The following TMTC2 variants were observed in gnomAD, a reference collection of about 807,000 sequenced individuals.
TMTC2 encodes the protein protein O-mannosyl-transferase TMTC2.
A neutral mutation model predicts 82.4 loss-of-function variants in TMTC2; 43 were observed. The ratio of observed to expected loss-of-function variants is 0.52; its 90% CI spans 0.41 to 0.67. TMTC2 has a LOEUF of 0.67. TMTC2 is among the 30% of genes least tolerant of loss of function. The probability of loss-of-function intolerance (pLI) is 0.00; values close to 1 mark genes in which losing one functional copy is unlikely to be tolerated. For missense variants in TMTC2, 919 were observed against 1,012.4 expected (o/e 0.91, Z 1.25); for synonymous variants, 408 against 381.9 (o/e 1.07, Z -0.80).
intron 7 of TMTC2, among the ~76,000 whole-genome samples, chr12:82,982,031 G>A (rs1439957795): frequency 6.7e-6 from 1 of 150,326 alleles, no homozygotes; most frequent in Non-Finnish European, 1.5e-5. Flanking sequence ...TAAATCTTGA[G>A]TGAGTTTGTT....
chr12:83,006,427 C>T (rs1465774164), intron 8 of TMTC2, among the ~76,000 whole-genome samples: 2 of 152,026 alleles, frequency 1.3e-5, no homozygotes, highest in Admixed American at 1.3e-4. Flanking sequence ...GTAACGTTTC[C>T]TCTTTCATTT....
At chr12:83,039,161 G>A (rs1002878856) in intron 9 of TMTC2, among the ~76,000 whole-genome samples, 4 of 152,150 alleles carry the variant, frequency 2.6e-5, no homozygotes, top group Admixed American at 2.6e-4. Flanking sequence ...TCGAACTCCT[G>A]ACCTCAGGTG....
chr12:83,053,287 A>T (rs1882420514), intron 10 of TMTC2, among the ~76,000 whole-genome samples: 1 of 152,116 alleles, frequency 6.6e-6, no homozygotes, highest in African/African-American at 2.4e-5. Context: ...GATATTTAGG[A>T]GACAAAATTG....
chr12:83,052,467 T>C (rs532460303), intron 10 of TMTC2, among the ~76,000 whole-genome samples: 1 of 152,226 alleles, frequency 6.6e-6, no homozygotes, highest in South Asian at 2.1e-4. Flanking sequence ...AATGCAAAGA[T>C]AATTTTTAAA....
intron 1 of TMTC2, among the ~76,000 whole-genome samples, chr12:82,721,230 C>A (rs934416408): frequency 6.6e-6 from 1 of 152,110 alleles, no homozygotes; most frequent in African/African-American, 2.4e-5. Flanking sequence ...TATTTACTTG[C>A]ATGTTGCCCA....
At chr12:82,951,995 A>G (rs1290313570) in intron 4 of TMTC2, among the ~76,000 whole-genome samples, 1 of 152,210 alleles carries the variant, frequency 6.6e-6, no homozygotes, top group Non-Finnish European at 1.5e-5. Context: ...AAAGTCTGCT[A>G]TCCTAAGATA....
At chr12:82,908,139 T>C (rs544810881) in intron 3 of TMTC2, among the ~76,000 whole-genome samples, 1 of 152,188 alleles carries the variant, frequency 6.6e-6, no homozygotes, top group South Asian at 2.1e-4. Context: ...GCCCTAACAT[T>C]TCTTTACTTT....
chr12:83,070,477 AT>A (rs1883070361), intron 11 of TMTC2, among the ~76,000 whole-genome samples: 3 of 151,172 alleles, frequency 2.0e-5, no homozygotes, highest in South Asian at 4.2e-4. Context: ...TGAGTTCTTG[AT>A]TTGATTCTTT....
At chr12:83,075,004 A>T (rs2137494515) in intron 11 of TMTC2, among the ~76,000 whole-genome samples, 1 of 152,280 alleles carries the variant, frequency 6.6e-6, no homozygotes, top group African/African-American at 2.4e-5. Context: ...CTGTGGTGTC[A>T]GGCAGGAATG....
chr12:82,899,318 G>T (rs10862520), intron 3 of TMTC2, among the ~76,000 whole-genome samples: 2 of 151,290 alleles, frequency 1.3e-5, no homozygotes, highest in African/African-American at 4.9e-5. Context: ...AGCTCTGGCC[G>T]AGAATTCTGA....
chr12:82,744,425 A>C (rs1477382585), intron 1 of TMTC2, among the ~76,000 whole-genome samples: 1 of 152,104 alleles, frequency 6.6e-6, no homozygotes, highest in Admixed American at 6.5e-5. Flanking sequence ...TGTCTCAAAC[A>C]AAAAACATTA....
At chr12:82,839,808 G>A (rs1047548234) in intron 1 of TMTC2, among the ~76,000 whole-genome samples, 1 of 152,156 alleles carries the variant, frequency 6.6e-6, no homozygotes, top group African/African-American at 2.4e-5. Context: ...AGTGATATAA[G>A]TCCTGTAACT....
intron 4 of TMTC2, among the ~76,000 whole-genome samples, chr12:82,947,500 G>A (rs2137273118): frequency 6.7e-6 from 1 of 149,830 alleles, no homozygotes; most frequent in African/African-American, 2.5e-5. Flanking sequence ...CCGCCACCAT[G>A]CCCGGCTAAT....
At chr12:82,697,146 C>G (rs1340131953) in intron 1 of TMTC2, among the ~76,000 whole-genome samples, 1 of 151,362 alleles carries the variant, frequency 6.6e-6, no homozygotes. Flanking sequence ...GAGATTGAGA[C>G]CATCCTGGTC....
chr12:83,126,972 T>G (rs1183004257), intron 11 of TMTC2, among the ~76,000 whole-genome samples: 1 of 152,176 alleles, frequency 6.6e-6, no homozygotes, highest in East Asian at 1.9e-4. Context: ...TTTTTAAGCA[T>G]CATGGTACAG....
intron 1 of TMTC2, among the ~76,000 whole-genome samples, chr12:82,732,750 G>T (rs905274599): frequency 6.6e-6 from 1 of 152,176 alleles, no homozygotes; most frequent in Non-Finnish European, 1.5e-5. Context: ...AGTTTAATCT[G>T]TATTTCTGTA....
chr12:82,934,908 T>C (rs1490851557), intron 4 of TMTC2, among the ~76,000 whole-genome samples: 2 of 152,120 alleles, frequency 1.3e-5, no homozygotes, highest in Non-Finnish European at 2.9e-5. Context: ...TTAATGATCG[T>C]CATTGTAACT....
chr12:82,958,380 C>T (rs74676931), intron 4 of TMTC2, among the ~76,000 whole-genome samples: 3 of 75,298 alleles, frequency 4.0e-5, no homozygotes, highest in African/African-American at 2.0e-4. Context: ...ACAAAAAAAA[C>T]AAAAAAACTA....
intron 4 of TMTC2, among the ~76,000 whole-genome samples, chr12:82,949,054 G>C (rs1482865493): frequency 6.6e-6 from 1 of 152,124 alleles, no homozygotes; most frequent in Non-Finnish European, 1.5e-5. Context: ...TGTTTTGAAT[G>C]AATAAACAAG....
Sources: gnomAD v4.1 joint callset for allele counts (sites outside exome capture counted in the v4.1 genomes callset) on GRCh38, gnomAD v4.1.1 for gene constraint, MANE v1.5 for transcripts, NCBI Gene and HGNC (gene_info 2026-07-23, HGNC 2026-07-21) for gene names.